Variants in TUBA1B observed in about 807,000 individuals in gnomAD.
The protein encoded by TUBA1B is tubulin alpha-1B chain.
In TUBA1B, 1 loss-of-function variant was observed where a neutral mutation model predicts 34.4. That is an observed-to-expected ratio of 0.03 (90% CI 0.01 to 0.14). The LOEUF (loss-of-function observed/expected upper bound fraction) is 0.14. Among genes scored for constraint, TUBA1B ranks in the 10% least tolerant of loss-of-function variants. The probability of loss-of-function intolerance (pLI) is 1.00; values close to 1 mark genes in which losing one functional copy is unlikely to be tolerated. For synonymous variants in TUBA1B, 197 were observed against 212.5 expected (o/e 0.93, Z 0.64); for missense variants, 54 against 583.6 (o/e 0.09, Z 9.35).
At position 49,131,356 on chromosome 12, in the gene TUBA1B, C is replaced by A. The variant is rs546557907; in HGVS notation, c.-56G>T. 5 of 1,601,712 alleles carry A rather than the reference C, an allele frequency of 3.1e-6. No individual in the cohort carries two copies. The highest frequency in any genetic ancestry group is 2.7e-5 in the African/African-American group (2 of 74,762). On this transcript the variant is annotated 5_prime_UTR_variant, in exon 1 of 4. Coordinates refer to ENST00000336023, the MANE Select transcript of TUBA1B (RefSeq NM_006082.3). ...AGGAGCAGACACCGGGTCCCGGTTA[C>A]CGTCCCCGACAAGCTAAGAGTCGAG...
At chr12:49,129,893 A>G in intron 1 of TUBA1B, 171 bp from the exon 2 acceptor site, 1 of 1,215,540 alleles carries the variant, frequency 8.2e-7, no homozygotes, top group African/African-American at 1.5e-5. Context: ...TCATCCCCCC[A>G]CCTCAGCCTC....
rs1205021445 is a variant in TUBA1B, at chr12:49,131,357, C to G, written c.-57G>C. 3 of 1,601,352 alleles carry G rather than the reference C, an allele frequency of 1.9e-6. No homozygotes were observed. The highest frequency in any genetic ancestry group is 1.7e-5 in the Admixed American group (1 of 58,550). ...GGAGCAGACACCGGGTCCCGGTTAC[C>G]GTCCCCGACAAGCTAAGAGTCGAGG... is the stretch of plus-strand genomic sequence containing the variant. On this transcript the variant is annotated 5_prime_UTR_variant, in exon 1 of 4. Transcript: ENST00000336023.
In TUBA1B at chr12:49,130,446, A is replaced by T. The variant is rs1310826149; in HGVS notation, c.4-724T>A. 4.0e-6 allele frequency: 4 copies of T among 995,492 alleles called. No individual in the cohort carries two copies. In the South Asian group the frequency reaches 4.1e-5, roughly 10 times the overall value. 61.7% of individuals were successfully genotyped at this position (995,492 alleles called of 1,614,324 possible). A position where few individuals can be genotyped will look rare whatever the true frequency, so the allele number is the denominator to read the frequency against. ...GCCACGTCTGCAAAGGCGCTGCCCA[A>T]GCCGCCCATCCTCCCTTGCCTGCCG... On this transcript the variant is annotated intron_variant, in intron 1 of 3. Coordinates refer to ENST00000336023, the MANE Select transcript of TUBA1B (RefSeq NM_006082.3).
Position 49,128,998 on chromosome 12 carries a change from TA to T in TUBA1B, c.376-61del. On this transcript the variant is annotated intron_variant, in intron 3 of 3. Transcript: ENST00000336023. The surrounding 1 kb of genome is among the most constrained non-coding windows in gnomAD (Gnocchi z 8.1). ...CCAGGACACATTATCTTAGAATTTCTATTTCAACTTTTTAGATTACGAACCA... is the reference window on the plus strand; with the variant it reads ...CCAGGACACATTATCTTAGAATTTCTTTTCAACTTTTTAGATTACGAACCA... 6.5e-7 allele frequency: 1 copy of T among 1,542,930 alleles called. No individual in the cohort carries two copies. Among genetic ancestry groups the T allele is most frequent in the South Asian group, 1.3e-5 (1 of 77,766 alleles).
chr12:49,131,178 C>T, intron 1 of TUBA1B, 120 bp downstream of exon 1: 1 of 1,324,036 alleles, frequency 7.6e-7, no homozygotes, highest in Non-Finnish European at 1.0e-6. Context: ...TCGTTTTCCG[C>T]CCTCCAAACG....
intron 1 of TUBA1B, chr12:49,130,763 T>C (rs529598665): frequency 2.7e-4 from 50 of 186,178 alleles, no homozygotes; most frequent in African/African-American, 1.0e-3. Flanking sequence ...AGACACGCCC[T>C]GTAGCCCTAG....
At chr12:49,130,632 C>A in intron 1 of TUBA1B, 1 of 342,746 alleles carries the variant, frequency 2.9e-6, no homozygotes, top group South Asian at 2.2e-5. Context: ...GACAGGTGGC[C>A]TCTACAGACT....
rs1941805664 is a variant in TUBA1B, at chr12:49,131,304, G to A, written c.-4C>T. 6.2e-7 allele frequency: 1 copy of A among 1,611,290 alleles called. No individual in the cohort carries two copies. Among genetic ancestry groups the A allele is most frequent in the Non-Finnish European group, 8.5e-7 (1 of 1,178,970 alleles). On this transcript the variant is annotated 5_prime_UTR_variant, in exon 1 of 4. Transcript: ENST00000336023. ...AGCCGCACGGCTTACTCACCATAGT[G>A]GCTAGGGATTAGGAGGCGAAGGCGA...
At position 49,129,224 on chromosome 12, in the gene TUBA1B, T is replaced by G. The variant is rs748560936; in HGVS notation, c.375+18A>C. On this transcript the variant is annotated intron_variant, in intron 3 of 3. Transcript: ENST00000336023. ...ACTATCACACCACATTAAATGCATA[T>G]TTATATGTGGTGCTTACCAGCTTGC... 1 of 1,613,228 alleles carries G rather than the reference T, an allele frequency of 6.2e-7. No individual in the cohort carries two copies. The highest frequency in any genetic ancestry group is 2.2e-5 in the East Asian group (1 of 44,896).
intron 1 of TUBA1B, chr12:49,130,170 A>T (rs1374697721): frequency 8.1e-7 from 1 of 1,234,480 alleles, no homozygotes; most frequent in Non-Finnish European, 1.0e-6. Flanking sequence ...CAGCTCAGTC[A>T]CAGCTTCCTC....
Position 49,129,271 on chromosome 12 carries a change from C to T in TUBA1B, c.346G>A (p.Asp116Asn). 1 of 1,614,172 alleles carries T rather than the reference C, an allele frequency of 6.2e-7. No individual in the cohort carries two copies. Among genetic ancestry groups the T allele is most frequent in the Non-Finnish European group, 8.5e-7 (1 of 1,180,038 alleles). ...TTGCGAATTCGGTCCAACACAAGGTCAATGATCTCCTTGCCAATGGTGTAG... is the reference window on the plus strand; with the variant it reads ...TTGCGAATTCGGTCCAACACAAGGTTAATGATCTCCTTGCCAATGGTGTAG... ...GHYTIGKEII[D>N]LVLDRIRKLA... Residue 116 changes from aspartate (D) to asparagine (N), a missense_variant, in exon 3 of 4, where the codon GAC (aspartate) becomes AAC (asparagine). This residue lies in a region of TUBA1B where 28 missense variants were observed against 203.8 expected (regional missense o/e 0.14). Transcript: ENST00000336023.
chr12:49,131,276 G>T (rs371335051), intron 1 of TUBA1B, 22 bp downstream of exon 1: 1 of 1,607,822 alleles, frequency 6.2e-7, no homozygotes, highest in Non-Finnish European at 8.5e-7. Flanking sequence ...GAAAGCAGCC[G>T]GGAGCCGCAC....
At chr12:49,130,331 C>T (rs764590238) in intron 1 of TUBA1B, 51 of 1,289,112 alleles carry the variant, frequency 4.0e-5, no homozygotes, top group Non-Finnish European at 4.8e-5. Flanking sequence ...TCCGCAGGGA[C>T]AAGGGGCGGG....
At position 49,128,243 on chromosome 12, in the gene TUBA1B, G is replaced by A. The variant is rs1470325934; in HGVS notation, c.1071C>T (p.Tyr357=). The part of the protein sequence containing the change: ...CPTGFKVGIN[Y]QPPTVVPGGD... The stretch of plus-strand genomic sequence containing the variant: ...CACCAGGCACCACAGTGGGAGGCTG[G>A]TAGTTGATGCCAACCTTGAAGCCAG... Residue 357 remains tyrosine (Y), a synonymous_variant, in exon 4 of 4, where the codon TAC becomes TAT. Transcript: ENST00000336023. The surrounding 1 kb of genome is among the most constrained non-coding windows in gnomAD (Gnocchi z 8.1). 2 of 1,614,068 alleles carry A rather than the reference G, an allele frequency of 1.2e-6. No individual in the cohort carries two copies. The highest frequency in any genetic ancestry group is 1.3e-5 in the African/African-American group (1 of 74,922).
At chr12:49,131,055 AG>A (rs1209405702) in intron 1 of TUBA1B, 3 of 493,622 alleles carry the variant, frequency 6.1e-6, no homozygotes, top group Non-Finnish European at 1.1e-5. Context: ...GGGCAGCCCG[AG>A]CCCCCCATCC....
chr12:49,129,811 T>C, intron 1 of TUBA1B, 89 bp from the exon 2 acceptor site: 2 of 1,574,756 alleles, frequency 1.3e-6, no homozygotes, highest in Non-Finnish European at 1.7e-6. Context: ...CTTTATTTTT[T>C]TAGAGATAAG....
intron 1 of TUBA1B, 70 bp from the exon 2 acceptor site, chr12:49,129,792 T>C: frequency 6.2e-7 from 1 of 1,603,428 alleles, no homozygotes; most frequent in Non-Finnish European, 8.5e-7. Context: ...AACAAAATAC[T>C]CATGCAATCT....
chr12:49,130,963 G>T (rs1017350752), intron 1 of TUBA1B: 1 of 262,668 alleles, frequency 3.8e-6, no homozygotes. Context: ...GTAAGGGCAT[G>T]CGCTGGAAAG....
rs1380292424 is a variant in TUBA1B at position 49,128,483 on chromosome 12, A to G, written c.831T>C (p.Ser277=). 1.2e-6 allele frequency: 2 copies of G among 1,614,026 alleles called. No homozygotes were observed. Among genetic ancestry groups the G allele is most frequent in the Non-Finnish European group, 1.7e-6 (2 of 1,180,030 alleles). The change falls in exon 4 of 4, where the codon TCT becomes TCC. Residue 277 remains serine (S), a synonymous_variant. Transcript: ENST00000336023. The surrounding 1 kb of genome is among the most constrained non-coding windows in gnomAD (Gnocchi z 8.1). The part of the protein sequence containing the change: ...FPLATYAPVI[S]AEKAYHEQLS... ...GCTGTTCATGGTAGGCTTTCTCAGC[A>G]GAGATGACAGGGGCATATGTGGCCA... is the stretch of plus-strand genomic sequence containing the variant.
Sources: gnomAD v4.1 joint callset for allele counts on GRCh38, gnomAD v4.1.1 for gene constraint, gnomAD v4.1.1 regional missense constraint, Gnocchi (gnomAD v3.1) non-coding constraint, MANE v1.5 for transcripts, NCBI Gene and HGNC (gene_info 2026-07-23, HGNC 2026-07-21) for gene names.